The following TMEM117 variants were observed in gnomAD, a reference collection of about 807,000 sequenced individuals.
The protein encoded by TMEM117 is transmembrane protein 117.
TMEM117 carries 27 observed loss-of-function variants against 52.4 expected under a neutral mutation model. The ratio of observed to expected loss-of-function variants is 0.51; its 90% CI spans 0.38 to 0.71. The LOEUF (loss-of-function observed/expected upper bound fraction) is 0.71. Ranked by LOEUF, TMEM117 falls within the 30% of genes least tolerant of loss-of-function variation. The probability of loss-of-function intolerance (pLI) is 0.00; values close to 1 mark genes in which losing one functional copy is unlikely to be tolerated. For missense variants in TMEM117, 556 were observed against 630.5 expected (o/e 0.88, Z 1.26); for synonymous variants, 215 against 206.3 (o/e 1.04, Z -0.36).
intron 3 of TMEM117, among the ~76,000 whole-genome samples, chr12:43,956,769 A>T (rs1226703579): frequency 6.6e-6 from 1 of 152,228 alleles, no homozygotes; most frequent in African/African-American, 2.4e-5. Context: ...TTAGAACCAG[A>T]AATACCATTC....
At chr12:44,122,151 TCTC>T (rs1267713312) in intron 3 of TMEM117, among the ~76,000 whole-genome samples, 1 of 151,818 alleles carries the variant, frequency 6.6e-6, no homozygotes, top group African/African-American at 2.4e-5. Context: ...TTCAAACAAT[TCTC>T]CTACCTCAGC....
intron 3 of TMEM117, among the ~76,000 whole-genome samples, chr12:44,057,751 A>G (rs1233139509): frequency 1.3e-5 from 2 of 152,122 alleles, no homozygotes; most frequent in Non-Finnish European, 2.9e-5. Flanking sequence ...TGCCACATTG[A>G]TAAGTTGTGT....
intron 2 of TMEM117, among the ~76,000 whole-genome samples, chr12:43,889,361 G>C (rs776647112): frequency 5.3e-5 from 8 of 152,170 alleles, no homozygotes; most frequent in Non-Finnish European, 1.0e-4. Context: ...GGGATTATAG[G>C]TGTGAGCCAC....
intron 3 of TMEM117, among the ~76,000 whole-genome samples, chr12:44,098,516 A>C (rs1424980978): frequency 1.3e-5 from 2 of 152,106 alleles, no homozygotes; most frequent in South Asian, 4.1e-4. Flanking sequence ...GAGTCAAGCA[A>C]ATATGAGGGC....
chr12:44,394,770 C>T, the TMEM117 span, among the ~76,000 whole-genome samples: 1 of 152,234 alleles, frequency 6.6e-6, no homozygotes, highest in South Asian at 2.1e-4. Flanking sequence ...GACACATGCA[C>T]CTGAGCCCCT....
chr12:43,939,009 A>T (rs1369798449), intron 2 of TMEM117, among the ~76,000 whole-genome samples: 3 of 152,062 alleles, frequency 2.0e-5, no homozygotes, highest in Admixed American at 6.5e-5. Flanking sequence ...CAAAATAAAA[A>T]AAAAAATAAA....
At chr12:43,955,369 G>A (rs1565767835) in intron 3 of TMEM117, among the ~76,000 whole-genome samples, 1 of 152,152 alleles carries the variant, frequency 6.6e-6, no homozygotes, top group Non-Finnish European at 1.5e-5. Context: ...GTTTGCAGAT[G>A]ACATTATCCT....
intron 3 of TMEM117, among the ~76,000 whole-genome samples, chr12:44,123,243 GGT>G (rs1565837790): frequency 6.9e-6 from 1 of 144,862 alleles, no homozygotes; most frequent in African/African-American, 2.8e-5. Flanking sequence ...TTTTTAATGG[GGT>G]TTTTTTTTTC....
At chr12:43,814,310 G>GAACA in the TMEM117 span, among the ~76,000 whole-genome samples, 1 of 152,058 alleles carries the variant, frequency 6.6e-6, no homozygotes, top group African/African-American at 2.4e-5. Context: ...GGTCATCTTT[G>GAACA]AACAACAGTA....
chr12:43,918,628 T>A (rs1000582172), intron 2 of TMEM117, among the ~76,000 whole-genome samples: 2 of 152,206 alleles, frequency 1.3e-5, no homozygotes, highest in Non-Finnish European at 2.9e-5. Context: ...TTTCCTTTTT[T>A]AAAAAACATT....
intron 4 of TMEM117, among the ~76,000 whole-genome samples, chr12:44,171,751 A>T (rs1949049837): frequency 6.6e-6 from 1 of 152,194 alleles, no homozygotes; most frequent in East Asian, 1.9e-4. Flanking sequence ...GCAGAAACTG[A>T]TTACCATAAT....
chr12:43,934,537 A>G (rs1388270847), intron 2 of TMEM117, among the ~76,000 whole-genome samples: 1 of 152,216 alleles, frequency 6.6e-6, no homozygotes, highest in Admixed American at 6.5e-5. Context: ...AGTTAAATTG[A>G]CATTAAACTT....
intron 2 of TMEM117, among the ~76,000 whole-genome samples, chr12:43,868,388 A>G (rs1385177718): frequency 6.6e-6 from 1 of 150,682 alleles, no homozygotes; most frequent in Non-Finnish European, 1.5e-5. Flanking sequence ...CTAAAATAAT[A>G]ATAATAATAA....
the TMEM117 span, chr12:43,797,472 T>C: frequency 6.5e-7 from 1 of 1,547,562 alleles, no homozygotes; most frequent in South Asian, 1.2e-5. Context: ...AGAAACAAAA[T>C]ATGTTCATTA....
intron 4 of TMEM117, among the ~76,000 whole-genome samples, chr12:44,145,771 T>A (rs115148199): frequency 6.6e-6 from 1 of 152,210 alleles, no homozygotes; most frequent in Non-Finnish European, 1.5e-5. Flanking sequence ...TAAGATGATA[T>A]GGTACATTGC....
the TMEM117 span, among the ~76,000 whole-genome samples, chr12:43,830,059 G>C: frequency 6.8e-6 from 1 of 146,494 alleles, no homozygotes; most frequent in Non-Finnish European, 1.5e-5. Context: ...CTGCACTCCA[G>C]CCTGGGTGAC....
intron 2 of TMEM117, among the ~76,000 whole-genome samples, chr12:43,925,710 A>C (rs7971156): frequency 0.98 from 149,886 of 152,246 alleles, 73,812 homozygotes; most frequent in East Asian, 1. Context: ...AAAAAATGTT[A>C]CCTTTTCTAC....
chr12:44,087,006 G>GTATTATATAATTAATAATTATAAATTATA (rs1947581791), intron 3 of TMEM117, among the ~76,000 whole-genome samples: 1 of 144,056 alleles, frequency 6.9e-6, no homozygotes, highest in South Asian at 2.1e-4. Flanking sequence ...TATAAATTAT[G>GTATTATATAATTAATAATTATAAATTATA]TATTATATAA....
chr12:44,078,399 C>G (rs1305076009), intron 3 of TMEM117, among the ~76,000 whole-genome samples: 1 of 152,180 alleles, frequency 6.6e-6, no homozygotes, highest in Non-Finnish European at 1.5e-5. Flanking sequence ...CTTTAACGTT[C>G]TAGGAAAGTG....
Sources: gnomAD v4.1 joint callset for allele counts (sites outside exome capture counted in the v4.1 genomes callset) on GRCh38, gnomAD v4.1.1 for gene constraint, MANE v1.5 for transcripts, NCBI Gene and HGNC (gene_info 2026-07-23, HGNC 2026-07-21) for gene names.